Variants in WDR59 observed in about 807,000 individuals in gnomAD.
The protein encoded by WDR59 is GATOR2 complex protein WDR59.
In WDR59, 100 loss-of-function variants were observed where a neutral mutation model predicts 131.2. The ratio of observed to expected loss-of-function variants is 0.76; its 90% CI spans 0.65 to 0.90. WDR59 has a LOEUF of 0.90. WDR59 is among the 40% of genes least tolerant of loss of function. The pLI, the probability that WDR59 is intolerant of heterozygous loss-of-function variation, is 0.00. For missense variants in WDR59, 1,203 were observed against 1,262.2 expected, an observed-to-expected ratio of 0.95 and a Z score of 0.71; for synonymous variants, 601 against 466.2, an observed-to-expected ratio of 1.29 and a Z score of -3.72.
chr16:74,933,974 C>T (rs1162502205), intron 8 of WDR59, among the ~76,000 whole-genome samples: 2 of 152,206 alleles, frequency 1.3e-5, no homozygotes, highest in African/African-American at 2.4e-5. Context: ...GATGTCTTTT[C>T]AGCTTAAACT....
At position 74,945,242 on chromosome 16, in the gene WDR59, C is replaced by T. The variant is rs541971234; in HGVS notation, c.446-2416G>A. Among the ~76,000 whole-genome samples the T allele has an allele frequency of 1.2e-4, 18 of 152,120 alleles. No homozygotes were observed. The Middle Eastern group carries it at 0.014, about 116-fold the overall frequency. ...CTGTAATGCCAGCACTTTGGGAGGC[C>T]GAGGCGGGTGGATCATGAGGTCAGG... On this transcript the variant is annotated intron_variant, in intron 6 of 25. Transcript: ENST00000262144.
At chr16:74,981,479 T>C (rs1465872065) in intron 1 of WDR59, among the ~76,000 whole-genome samples, 2 of 149,520 alleles carry the variant, frequency 1.3e-5, no homozygotes, top group Non-Finnish European at 3.0e-5. Flanking sequence ...GATCACTTGA[T>C]ACCATAAGGT....
intron 17 of WDR59, 42 bp downstream of exon 17, chr16:74,908,866 G>A (rs760025339): frequency 6.3e-7 from 1 of 1,587,422 alleles, no homozygotes; most frequent in Non-Finnish European, 8.6e-7. Context: ...GCCACTTCTG[G>A]CCCCGGGAAC....
chr16:74,953,651 T>C (rs2033127352), intron 3 of WDR59, among the ~76,000 whole-genome samples: 1 of 152,088 alleles, frequency 6.6e-6, no homozygotes, highest in Non-Finnish European at 1.5e-5. Flanking sequence ...ATATCCAGAA[T>C]ATATAAAGAA....
Position 74,938,189 on chromosome 16 carries a change from C to T in WDR59, c.612G>A (p.Glu204=). The change falls in exon 8 of 26, where the codon GAG becomes GAA. Residue 204 remains glutamate (E), a synonymous_variant. Coordinates refer to ENST00000262144, the MANE Select transcript of WDR59 (RefSeq NM_030581.4). ...IHGLDWHPDS[E]HILATSSQDN... ...CTTGACTGGAGGTAGCAAGAATGTG[C>T]TCGCTGTCTGGGTGCCAGTCCAGGC... 1.9e-6 allele frequency: 3 copies of T among 1,581,250 alleles called. No individual in the cohort carries two copies. Among genetic ancestry groups the T allele is most frequent in the Non-Finnish European group, 2.6e-6 (3 of 1,163,872 alleles).
intron 5 of WDR59, among the ~76,000 whole-genome samples, 184 bp downstream of exon 5, chr16:74,949,534 T>C (rs909968405): frequency 1.3e-5 from 2 of 151,814 alleles, no homozygotes; most frequent in African/African-American, 2.4e-5. Context: ...AGGTCCTGGC[T>C]CTCTTCTCTA....
intron 25 of WDR59, among the ~76,000 whole-genome samples, chr16:74,882,881 C>T (rs1025884945): frequency 2.0e-5 from 3 of 149,098 alleles, no homozygotes; most frequent in African/African-American, 2.5e-5. Flanking sequence ...GAAACTATAC[C>T]TACACAACTT....
At chr16:74,904,274 T>C (rs1965696820) in intron 17 of WDR59, 174 bp from the exon 18 acceptor site, 5 of 692,562 alleles carry the variant, frequency 7.2e-6, no homozygotes, top group Admixed American at 3.0e-5. Flanking sequence ...TGCACAAGCA[T>C]AGAATGCTTC....
intron 1 of WDR59, among the ~76,000 whole-genome samples, chr16:74,971,021 G>A (rs1478247244): frequency 6.6e-6 from 1 of 151,798 alleles, no homozygotes; most frequent in Non-Finnish European, 1.5e-5. Context: ...TACACTCCTG[G>A]CTAAACGACA....
chr16:74,883,087 C>G (rs549041231), intron 25 of WDR59, among the ~76,000 whole-genome samples: 2 of 140,426 alleles, frequency 1.4e-5, no homozygotes, highest in African/African-American at 5.3e-5. Flanking sequence ...TGCAGTGGCA[C>G]AATCTCGGCT....
rs1394904847 is a variant in WDR59, at chr16:74,874,187, A to T, written c.*22T>A. ...ACTTATGGGTCCTCTGGGATTTCAG[A>T]CAATACCCAACTTCTGTAGGTTCAG... On this transcript the variant is annotated 3_prime_UTR_variant, in exon 26 of 26. Transcript: ENST00000262144. 6.3e-7 allele frequency: 1 copy of T among 1,596,594 alleles called. No homozygotes were observed. Among genetic ancestry groups the T allele is most frequent in the Non-Finnish European group, 8.6e-7 (1 of 1,167,402 alleles).
At chr16:74,907,343 G>A (rs1199641032) in intron 17 of WDR59, among the ~76,000 whole-genome samples, 3 of 152,156 alleles carry the variant, frequency 2.0e-5, no homozygotes, top group Non-Finnish European at 4.4e-5. Flanking sequence ...GGACACAGTG[G>A]GAGGTGATTG....
intron 25 of WDR59, among the ~76,000 whole-genome samples, chr16:74,875,142 C>T (rs1483242223): frequency 1.3e-5 from 2 of 152,182 alleles, no homozygotes; most frequent in African/African-American, 4.8e-5. Context: ...CTGGCTTTAC[C>T]AACGCCTGCT....
chr16:74,894,649 T>C (rs1436057179), intron 18 of WDR59, among the ~76,000 whole-genome samples: 6 of 152,274 alleles, frequency 3.9e-5, no homozygotes, highest in Admixed American at 1.3e-4. Flanking sequence ...GACATATTTA[T>C]TAACAAAAAA....
Position 74,911,912 on chromosome 16 carries a change from T to C in WDR59, c.1389+286A>G, listed in dbSNP as rs377561107. On this transcript the variant is annotated intron_variant, in intron 14 of 25. Transcript: ENST00000262144. ...GCAATTCACATATTTACAGGCAATA[T>C]TTCTCAAATCATATGCAATCATTGT... The C allele has an allele frequency of 1.6e-3, 870 of 529,936 alleles. 4 individuals are homozygous for C. The highest frequency in any genetic ancestry group is 9.0e-3 in the South Asian group (289 of 32,178). The allele number at this position is 529,936 out of a possible 1,614,324, so 32.8% of individuals were successfully genotyped here.
In WDR59 at chr16:74,909,825, A is replaced by C. The variant is rs1316721546; in HGVS notation, c.1482T>G (p.Phe494Leu). 6.2e-7 allele frequency: 1 copy of C among 1,610,916 alleles called. No homozygotes were observed. ...LRQLVSCLES[F>L]VNQEDSASSN... Reference sequence around the variant, plus strand: ...ATGACAGTTTCATGCTTCCCACCACAAAGGACTCAAGGCAGGAGACGAGCT... The same window carrying C: ...ATGACAGTTTCATGCTTCCCACCACCAAGGACTCAAGGCAGGAGACGAGCT... The change falls in exon 15 of 26, where the codon TTT becomes TTG. Residue 494 changes from phenylalanine (F) to leucine (L), a missense_variant. Coordinates refer to ENST00000262144, the MANE Select transcript of WDR59 (RefSeq NM_030581.4).
chr16:74,910,771 C>A (rs1389216370), intron 14 of WDR59, among the ~76,000 whole-genome samples: 1 of 152,138 alleles, frequency 6.6e-6, no homozygotes, highest in Non-Finnish European at 1.5e-5. Flanking sequence ...TCGCCAAGGT[C>A]TGATTTTTCC....
Position 74,920,953 on chromosome 16 carries a change from G to A in WDR59, c.886+994C>T, listed in dbSNP as rs369846649. Among the ~76,000 whole-genome samples the A allele has an allele frequency of 3.5e-4, 53 of 152,130 alleles. 1 individual carries two copies. Among genetic ancestry groups the A allele is most frequent in the African/African-American group, 1.3e-3 (52 of 41,508 alleles). ...GAGGGGATGGTGACCAGGTAGCTTC[G>A]GGGCTCTTGGCATCGTTTTCTTTCT... On this transcript the variant is annotated intron_variant, in intron 10 of 25. Transcript: ENST00000262144.
chr16:74,905,420 G>A (rs1281931454), intron 17 of WDR59, among the ~76,000 whole-genome samples: 3 of 151,464 alleles, frequency 2.0e-5, no homozygotes, highest in Non-Finnish European at 4.4e-5. Context: ...GGTGGCTCAC[G>A]CTCGTAATCC....
Sources: allele counts gnomAD v4.1 joint callset (sites outside exome capture counted in the v4.1 genomes callset), GRCh38; gene constraint gnomAD v4.1.1; transcripts MANE v1.5; gene names NCBI Gene and HGNC (gene_info 2026-07-23, HGNC 2026-07-21).